Variants in SSBP2 observed in about 807,000 individuals in gnomAD.
SSBP2 encodes single stranded DNA binding protein 2.
SSBP2 carries 17 observed loss-of-function variants against 61.8 expected under a neutral mutation model. The ratio of observed to expected loss-of-function variants is 0.28; its 90% confidence interval spans 0.19 to 0.41. SSBP2 has a LOEUF of 0.41. Ranked by LOEUF, SSBP2 falls within the 10% of genes least tolerant of loss-of-function variation. The pLI, the probability that SSBP2 is intolerant of heterozygous loss-of-function variation, is 1.00. For missense variants in SSBP2, 310 were observed against 458.7 expected (o/e 0.68, Z 2.96); for synonymous variants, 139 against 141.3 (o/e 0.98, Z 0.12).
intron 4 of SSBP2, among the ~76,000 whole-genome samples, chr5:81,613,316 T>G (rs1346163000): frequency 6.6e-6 from 1 of 152,184 alleles, no homozygotes; most frequent in African/African-American, 2.4e-5. Flanking sequence ...CAGTAAGGGG[T>G]TGTTCCTCCT....
At chr5:81,681,519 C>CAA (rs35721340) in intron 1 of SSBP2, among the ~76,000 whole-genome samples, 6 of 107,102 alleles carry the variant, frequency 5.6e-5, no homozygotes, top group East Asian at 3.9e-4. Context: ...GGCTCCACCT[C>CAA]AAAAAAAAAA....
intron 4 of SSBP2, among the ~76,000 whole-genome samples, chr5:81,574,141 T>TA (rs1026682187): frequency 7.9e-5 from 12 of 151,238 alleles, no homozygotes; most frequent in South Asian, 4.2e-4. Flanking sequence ...ACTCCATCTC[T>TA]AAAAAAAACA....
At chr5:81,473,645 G>T (rs1561442174) in intron 8 of SSBP2, 55 bp downstream of exon 8, 6 of 1,446,772 alleles carry the variant, frequency 4.1e-6, no homozygotes, top group Non-Finnish European at 4.9e-6. Flanking sequence ...ATCATTGATG[G>T]GCATTTGGGT....
At chr5:81,437,674 T>C (rs774495422) in intron 14 of SSBP2, 1 of 357,538 alleles carries the variant, frequency 2.8e-6, no homozygotes, top group East Asian at 4.8e-5. Flanking sequence ...TAGTTCCCAA[T>C]CGTTTTTTTT....
At chr5:81,670,258 T>G (rs1247836306) in intron 1 of SSBP2, among the ~76,000 whole-genome samples, 1 of 152,158 alleles carries the variant, frequency 6.6e-6, no homozygotes, top group Non-Finnish European at 1.5e-5. Flanking sequence ...GTAACACATG[T>G]GTGGGAGCAG....
chr5:81,498,112 C>G (rs1767428209), intron 5 of SSBP2, among the ~76,000 whole-genome samples: 1 of 152,012 alleles, frequency 6.6e-6, no homozygotes, highest in Admixed American at 6.6e-5. Flanking sequence ...GAAATATTTT[C>G]TTTCCATTAA....
rs947795050 is a variant in SSBP2 at position 81,743,999 on chromosome 5, T to C, written c.62+6982A>G. Among the ~76,000 whole-genome samples, 61 of 152,352 alleles carry C rather than the reference T, an allele frequency of 4.0e-4. 1 individual carries two copies. Among genetic ancestry groups the C allele is most frequent in the African/African-American group, 1.3e-3 (55 of 41,594 alleles). ...ATCAATTAAGCTGTTTTCTGTCTCC[T>C]GTTTTGATACCTGAAGCCAAAAGCC... On this transcript the variant is annotated intron_variant, in intron 1 of 16. Coordinates refer to ENST00000320672, the MANE Select transcript of SSBP2 (RefSeq NM_012446.5).
At chr5:81,536,125 T>C (rs1244318442) in intron 4 of SSBP2, among the ~76,000 whole-genome samples, 2 of 152,090 alleles carry the variant, frequency 1.3e-5, no homozygotes, top group East Asian at 1.9e-4. Context: ...CAAATGAGCA[T>C]ATGAAAAGAG....
At chr5:81,659,011 T>A (rs1750464801) in intron 1 of SSBP2, among the ~76,000 whole-genome samples, 1 of 152,162 alleles carries the variant, frequency 6.6e-6, no homozygotes, top group African/African-American at 2.4e-5. Flanking sequence ...TGATGGAACA[T>A]ATCTCAAAAT....
At chr5:81,714,051 T>C (rs1037314331) in intron 1 of SSBP2, among the ~76,000 whole-genome samples, 8 of 152,164 alleles carry the variant, frequency 5.3e-5, no homozygotes, top group African/African-American at 1.7e-4. Flanking sequence ...ATGCTATCCC[T>C]CCCCTAGGCC....
chr5:81,680,581 A>G (rs1581328703), intron 1 of SSBP2, among the ~76,000 whole-genome samples: 1 of 152,222 alleles, frequency 6.6e-6, no homozygotes, highest in East Asian at 1.9e-4. Flanking sequence ...AAGATATACC[A>G]TGCTAATGCC....
At chr5:81,593,802 G>C (rs1743391157) in intron 4 of SSBP2, among the ~76,000 whole-genome samples, 1 of 152,134 alleles carries the variant, frequency 6.6e-6, no homozygotes, top group Non-Finnish European at 1.5e-5. Context: ...GAGAGATTTT[G>C]TCACCACCAG....
chr5:81,645,433 T>C (rs528672697), intron 2 of SSBP2, among the ~76,000 whole-genome samples: 16 of 152,314 alleles, frequency 1.1e-4, no homozygotes, highest in Non-Finnish European at 2.1e-4. Flanking sequence ...TTGGCTAACT[T>C]ATGACAAAGA....
At chr5:81,556,274 A>C (rs939174361) in intron 4 of SSBP2, among the ~76,000 whole-genome samples, 7 of 152,120 alleles carry the variant, frequency 4.6e-5, no homozygotes, top group African/African-American at 1.7e-4. Flanking sequence ...GGTCGTTGCC[A>C]ATGTGAATCT....
intron 4 of SSBP2, among the ~76,000 whole-genome samples, chr5:81,564,420 C>G (rs1773279155): frequency 6.6e-6 from 1 of 152,202 alleles, no homozygotes; most frequent in Non-Finnish European, 1.5e-5. Context: ...TTTCCAGTTT[C>G]AGTTCTGAGT....
At chr5:81,606,439 G>A (rs955629961) in intron 4 of SSBP2, among the ~76,000 whole-genome samples, 5 of 152,082 alleles carry the variant, frequency 3.3e-5, no homozygotes, top group Non-Finnish European at 7.4e-5. Flanking sequence ...CCTAGCAGTG[G>A]TGTCAGGTCA....
intron 4 of SSBP2, among the ~76,000 whole-genome samples, chr5:81,548,501 A>G (rs1041102889): frequency 6.6e-6 from 1 of 152,172 alleles, no homozygotes; most frequent in Non-Finnish European, 1.5e-5. Context: ...TCTATTATGG[A>G]TCTAATGCAT....
At chr5:81,433,924 C>T (rs1332806355) in intron 15 of SSBP2, among the ~76,000 whole-genome samples, 1 of 152,188 alleles carries the variant, frequency 6.6e-6, no homozygotes, top group Admixed American at 6.5e-5. Flanking sequence ...GCCTTGTCCA[C>T]AAAAGATTGT....
chr5:81,666,721 G>C (rs960747396), intron 1 of SSBP2, among the ~76,000 whole-genome samples: 1 of 152,132 alleles, frequency 6.6e-6, no homozygotes, highest in Non-Finnish European at 1.5e-5. Context: ...TTGTTAATAT[G>C]ATTTGCTCTA....
Sources: allele counts gnomAD v4.1 joint callset (sites outside exome capture counted in the v4.1 genomes callset), GRCh38; gene constraint gnomAD v4.1.1; transcripts MANE v1.5; gene names NCBI Gene and HGNC (gene_info 2026-07-23, HGNC 2026-07-21).